Variants in PDK1 observed in about 807,000 individuals in gnomAD.
The protein encoded by PDK1 is [Pyruvate dehydrogenase (acetyl-transferring)] kinase isozyme 1, mitochondrial.
PDK1 carries 39 observed loss-of-function variants against 54.2 expected under a neutral mutation model. That is an observed-to-expected ratio of 0.72 (90% confidence interval 0.56 to 0.94). The LOEUF (loss-of-function observed/expected upper bound fraction) is 0.94. Ranked by LOEUF, PDK1 falls within the 40% of genes least tolerant of loss-of-function variation. The pLI, the probability that PDK1 is intolerant of heterozygous loss-of-function variation, is 0.00. For missense variants in PDK1, 552 were observed against 566.0 expected, an observed-to-expected ratio of 0.98 and a Z score of 0.25; for synonymous variants, 221 against 207.1, an observed-to-expected ratio of 1.07 and a Z score of -0.58.
the PDK1 span, among the ~76,000 whole-genome samples, chr2:172,638,956 A>G: frequency 6.6e-6 from 1 of 152,248 alleles, no homozygotes; most frequent in South Asian, 2.1e-4. Context: ...ATCAAATAAC[A>G]TGTAAAAACG....
the PDK1 span, among the ~76,000 whole-genome samples, chr2:172,710,164 G>C: frequency 6.6e-6 from 1 of 152,106 alleles, no homozygotes; most frequent in East Asian, 1.9e-4. Context: ...CAGAGGAAGC[G>C]ATGCTGGAAA....
intron 8 of PDK1, among the ~76,000 whole-genome samples, chr2:172,577,792 C>A (rs1689659211): frequency 6.6e-6 from 1 of 152,086 alleles, no homozygotes; most frequent in Admixed American, 6.5e-5. Context: ...TGCCTGTCTA[C>A]AGAGATTTAT....
intron 2 of PDK1, among the ~76,000 whole-genome samples, chr2:172,559,494 A>G (rs112385973): frequency 1.4e-4 from 22 of 152,286 alleles, no homozygotes; most frequent in African/African-American, 5.1e-4. Flanking sequence ...AATCCCTTCA[A>G]CAACCTTGCA....
the PDK1 span, among the ~76,000 whole-genome samples, chr2:172,616,186 A>G: frequency 6.6e-6 from 1 of 151,920 alleles, no homozygotes; most frequent in Non-Finnish European, 1.5e-5. Context: ...TTTCAAAACC[A>G]ATTTAGCAGT....
chr2:172,636,442 G>C, the PDK1 span, among the ~76,000 whole-genome samples: 2 of 152,056 alleles, frequency 1.3e-5, no homozygotes, highest in Admixed American at 1.3e-4. Flanking sequence ...GAACTCAGCC[G>C]GGCGCGATGG....
the PDK1 span, among the ~76,000 whole-genome samples, chr2:172,683,325 C>T: frequency 2.9e-5 from 4 of 139,402 alleles, no homozygotes; most frequent in East Asian, 2.2e-4. Context: ...CCAGCCTGGG[C>T]GACAGAGCGA....
intron 9 of PDK1, among the ~76,000 whole-genome samples, chr2:172,591,864 A>C (rs940807562): frequency 6.6e-6 from 1 of 152,194 alleles, no homozygotes; most frequent in Admixed American, 6.5e-5. Context: ...TGATTCTGTA[A>C]GTACTTTAAG....
At chr2:172,563,906 T>C (rs1442455111) in intron 3 of PDK1, 1 of 418,984 alleles carries the variant, frequency 2.4e-6, no homozygotes, top group East Asian at 7.2e-5. Context: ...GTGACAGAGA[T>C]GGGAAGACTA....
In PDK1 at chr2:172,603,917, A is replaced by T. The variant is rs1691197392; in HGVS notation, c.*7948A>T. Reference sequence around the variant, plus strand: ...GTTTAACAAAGGAGAGTCCATTTATATTTGGCTGGTAAGATCGATGCTTCT... The same window carrying T: ...GTTTAACAAAGGAGAGTCCATTTATTTTTGGCTGGTAAGATCGATGCTTCT... On this transcript the variant is annotated 3_prime_UTR_variant, in exon 11 of 11. Coordinates refer to ENST00000282077, the MANE Select transcript of PDK1 (RefSeq NM_002610.5). The T allele has an allele frequency of 6.6e-6, 1 of 152,194 alleles. No individual in the cohort carries two copies. Among genetic ancestry groups the T allele is most frequent in the Non-Finnish European group, 1.5e-5 (1 of 68,056 alleles). 9.4% of individuals were successfully genotyped at this position (152,194 alleles called of 1,614,324 possible). A position where few individuals can be genotyped will look rare whatever the true frequency, so the allele number is the denominator to read the frequency against.
the PDK1 span, among the ~76,000 whole-genome samples, chr2:172,636,962 G>A: frequency 1.3e-5 from 2 of 152,164 alleles, no homozygotes; most frequent in African/African-American, 4.8e-5. Context: ...CCGTACCAAA[G>A]GGTAAACAGT....
rs759902676 is a variant in PDK1 at position 172,565,044 on chromosome 2, C to G, written c.662C>G (p.Pro221Arg). 6.2e-7 allele frequency: 1 copy of G among 1,606,198 alleles called. No homozygotes were observed. The highest frequency in any genetic ancestry group is 8.5e-7 in the Non-Finnish European group (1 of 1,173,028). The part of the protein sequence containing the change: ...SHRKHIGSIN[P>R]NCNVLEVIKD... ...CGAAAACACATTGGAAGCATAAATCCAAACTGCAATGTACTTGAAGTTATT... is the reference window on the plus strand; with the variant it reads ...CGAAAACACATTGGAAGCATAAATCGAAACTGCAATGTACTTGAAGTTATT... The change falls in exon 5 of 11, where the codon CCA (proline) becomes CGA (arginine). Residue 221 changes from proline (P) to arginine (R), a missense_variant. Pro to Arg is a moderately radical substitution (Grantham distance 103, BLOSUM62 -2). Coordinates refer to ENST00000282077, the MANE Select transcript of PDK1 (RefSeq NM_002610.5).
chr2:172,630,537 A>C, the PDK1 span, among the ~76,000 whole-genome samples: 1 of 152,200 alleles, frequency 6.6e-6, no homozygotes, highest in Non-Finnish European at 1.5e-5. Flanking sequence ...CCAAATGATC[A>C]TCCAATTGTG....
chr2:172,586,201 G>T, intron 8 of PDK1, 77 bp from the exon 9 acceptor site: 2 of 802,912 alleles, frequency 2.5e-6, no homozygotes, highest in Non-Finnish European at 2.2e-6. Context: ...CAGTTAAACT[G>T]TGATGCTATG....
At chr2:172,700,916 T>G in the PDK1 span, among the ~76,000 whole-genome samples, 5 of 151,868 alleles carry the variant, frequency 3.3e-5, 1 homozygote, top group African/African-American at 1.2e-4. Flanking sequence ...GGCAGGAGAA[T>G]CAGGCAGGGA....
At chr2:172,690,312 C>T in the PDK1 span, among the ~76,000 whole-genome samples, 1 of 150,552 alleles carries the variant, frequency 6.6e-6, no homozygotes, top group South Asian at 2.1e-4. Context: ...TACCATCTCA[C>T]ACCAGTTAGA....
the PDK1 span, among the ~76,000 whole-genome samples, chr2:172,654,877 G>A: frequency 6.6e-6 from 1 of 152,094 alleles, no homozygotes; most frequent in Non-Finnish European, 1.5e-5. Flanking sequence ...GGTTTCACCC[G>A]AGAGGTTACC....
At chr2:172,648,642 A>C in the PDK1 span, among the ~76,000 whole-genome samples, 119,715 of 152,098 alleles carry the variant, frequency 0.79, 47,245 homozygotes, top group African/African-American at 0.81. Flanking sequence ...CCTAATACTG[A>C]GCTTTTCCAA....
rs571513104 is a variant in PDK1, at chr2:172,576,071, G to T, written c.945+5247G>T. ...GCCTCCCGAGTAGCTAGGACTGCAGGCACCCGCCACCATGCCTGGCTAATT... is the reference window on the plus strand; with the variant it reads ...GCCTCCCGAGTAGCTAGGACTGCAGTCACCCGCCACCATGCCTGGCTAATT... On this transcript the variant is annotated intron_variant, in intron 8 of 10. Coordinates refer to ENST00000282077, the MANE Select transcript of PDK1 (RefSeq NM_002610.5). Among the ~76,000 whole-genome samples, 3 of 152,064 alleles carry T rather than the reference G, an allele frequency of 2.0e-5. No homozygotes were observed. The East Asian group carries it at 5.9e-4, about 30-fold the overall frequency.
At chr2:172,699,036 A>T in the PDK1 span, among the ~76,000 whole-genome samples, 8 of 152,200 alleles carry the variant, frequency 5.3e-5, no homozygotes, top group African/African-American at 1.9e-4. Flanking sequence ...GCATGTTTTA[A>T]TATTTAAGCA....
Sources: allele counts gnomAD v4.1 joint callset (sites outside exome capture counted in the v4.1 genomes callset), GRCh38; gene constraint gnomAD v4.1.1; transcripts MANE v1.5; gene names NCBI Gene and HGNC (gene_info 2026-07-23, HGNC 2026-07-21).